PRCP: variants seen among roughly 807,000 people sequenced by gnomAD.
PRCP encodes the protein lysosomal Pro-X carboxypeptidase.
Under a neutral mutation model 54.2 loss-of-function variants are expected in PRCP, and 46 were observed. That is an observed-to-expected ratio of 0.85 (90% confidence interval 0.67 to 1.09). The LOEUF is 1.09. PRCP is among the 50% of genes least tolerant of loss of function. The pLI is 0.00. For synonymous variants in PRCP, 240 were observed against 212.2 expected (o/e 1.13, Z -1.14); for missense variants, 613 against 596.8 (o/e 1.03, Z -0.28).
intron 6 of PRCP, chr11:82,845,763 A>G (rs1858793800): frequency 6.6e-6 from 1 of 152,216 alleles, no homozygotes; most frequent in South Asian, 2.1e-4. Flanking sequence ...AGCATCCTTT[A>G]AAGTTGCTCT....
At chr11:82,877,432 T>C (rs1859633993) in intron 1 of PRCP, among the ~76,000 whole-genome samples, 1 of 152,098 alleles carries the variant, frequency 6.6e-6, no homozygotes, top group South Asian at 2.1e-4. Context: ...GCCCCTCCTA[T>C]CACAGGCCTG....
chr11:82,837,246 T>A, intron 8 of PRCP: 1 of 168,268 alleles, frequency 5.9e-6, no homozygotes, highest in Non-Finnish European at 1.3e-5. Flanking sequence ...TCACTAATTT[T>A]GCAAATTGTG....
At chr11:82,895,075 G>A (rs1051971819) in intron 1 of PRCP, among the ~76,000 whole-genome samples, 1 of 151,908 alleles carries the variant, frequency 6.6e-6, no homozygotes, top group Non-Finnish European at 1.5e-5. Flanking sequence ...TTAAAGCCAT[G>A]TACATTAGGA....
At chr11:82,887,276 T>C (rs1248273536) in intron 1 of PRCP, among the ~76,000 whole-genome samples, 1 of 152,236 alleles carries the variant, frequency 6.6e-6, no homozygotes, top group Non-Finnish European at 1.5e-5. Context: ...CACCTTTAAT[T>C]ACTTGTGACT....
intron 6 of PRCP, among the ~76,000 whole-genome samples, chr11:82,842,815 A>T (rs934498193): frequency 6.6e-6 from 1 of 152,184 alleles, no homozygotes; most frequent in Non-Finnish European, 1.5e-5. Flanking sequence ...TGGAAATTTT[A>T]TTTTAGGTAA....
chr11:82,895,553 C>A (rs1247529110), intron 1 of PRCP, among the ~76,000 whole-genome samples: 3 of 152,146 alleles, frequency 2.0e-5, no homozygotes, highest in Non-Finnish European at 2.9e-5. Flanking sequence ...TCCATCATAT[C>A]TAAGGGGAAG....
Position 82,853,179 on chromosome 11 carries a change from TG to T in PRCP, c.408del (p.Phe136LeufsTer7), listed in dbSNP as rs1428457643. 6.3e-7 allele frequency: 1 copy of T among 1,589,214 alleles called. No homozygotes were observed. The highest frequency in any genetic ancestry group is 2.2e-5 in the East Asian group (1 of 44,450). On this transcript the variant is annotated frameshift_variant, in exon 3 of 9. Coordinates refer to ENST00000313010, the MANE Select transcript of PRCP (RefSeq NM_005040.4). LOFTEE classifies it high-confidence loss of function. Reference sequence around the variant, plus strand: ...TTTTAAGTAAAAAGTATCTTTACCTTGAATGAGTTGTCACCAAAGGGGAGAG... The same window carrying T: ...TTTTAAGTAAAAAGTATCTTTACCTTAATGAGTTGTCACCAAAGGGGAGAG... ...GESLPFGDNS[F>X]KDSRHLNFLT...
At chr11:82,838,683 T>C (rs1858589083) in intron 7 of PRCP, 109 bp from the exon 8 acceptor site, 1 of 1,077,208 alleles carries the variant, frequency 9.3e-7, no homozygotes, top group Non-Finnish European at 1.3e-6. Context: ...GGGTTTGAAC[T>C]CAGGCAAGGC....
chr11:82,852,848 TAA>T (rs1485664403), intron 3 of PRCP, among the ~76,000 whole-genome samples: 1 of 152,198 alleles, frequency 6.6e-6, no homozygotes, highest in Non-Finnish European at 1.5e-5. Context: ...CTCAATAATT[TAA>T]GTGTACGATT....
intron 1 of PRCP, among the ~76,000 whole-genome samples, chr11:82,898,563 G>A (rs990579378): frequency 3.3e-5 from 5 of 152,152 alleles, no homozygotes; most frequent in Non-Finnish European, 7.4e-5. Context: ...GGTAAAAGCT[G>A]AAAGAGATCC....
chr11:82,887,625 C>G (rs1432940649), intron 1 of PRCP, among the ~76,000 whole-genome samples: 1 of 152,170 alleles, frequency 6.6e-6, no homozygotes, highest in Non-Finnish European at 1.5e-5. Context: ...AAGTCTCTTT[C>G]CCTCTTCTGT....
intron 1 of PRCP, among the ~76,000 whole-genome samples, chr11:82,887,316 A>T (rs562144610): frequency 1.3e-5 from 2 of 152,200 alleles, no homozygotes; most frequent in Non-Finnish European, 2.9e-5. Context: ...TGTAAGCTGC[A>T]TGAGGCCTAT....
chr11:82,838,707 T>G, intron 7 of PRCP, 133 bp from the exon 8 acceptor site: 1 of 750,746 alleles, frequency 1.3e-6, no homozygotes, highest in African/African-American at 1.8e-5. Context: ...TTCAACGCCC[T>G]GTTCTTTACT....
At chr11:82,878,798 T>C (rs1859668442) in intron 1 of PRCP, among the ~76,000 whole-genome samples, 1 of 152,184 alleles carries the variant, frequency 6.6e-6, no homozygotes, top group African/African-American at 2.4e-5. Context: ...CCTTCACTTA[T>C]GAAGTTTAGT....
chr11:82,847,137 AAAT>A (rs1450304285), intron 6 of PRCP, among the ~76,000 whole-genome samples: 17 of 152,242 alleles, frequency 1.1e-4, no homozygotes, highest in African/African-American at 3.4e-4. Context: ...CCTCTGTTCT[AAAT>A]AATGAGAGAA....
chr11:82,894,456 C>T (rs551091786), intron 1 of PRCP, among the ~76,000 whole-genome samples: 6 of 152,182 alleles, frequency 3.9e-5, no homozygotes, highest in Admixed American at 6.5e-5. Context: ...CTGTTCCTAA[C>T]GCAGTGCCCT....
chr11:82,882,214 A>T lies in PRCP; in HGVS notation c.168+18021T>A, dbSNP rs1032148287. Among the ~76,000 whole-genome samples, 6 of 152,142 alleles carry T rather than the reference A, an allele frequency of 3.9e-5. No homozygotes were observed. In the South Asian group the frequency reaches 1.2e-3, roughly 32 times the overall value. On this transcript the variant is annotated intron_variant, in intron 1 of 8. Coordinates refer to ENST00000313010, the MANE Select transcript of PRCP (RefSeq NM_005040.4). The stretch of plus-strand genomic sequence containing the variant: ...GGAGGTGAAAGGGGAGACAGAAGAG[A>T]TGTATTGAAAAAAAACGTTTATAAG...
chr11:82,876,661 C>T (rs1261276121), intron 1 of PRCP, among the ~76,000 whole-genome samples: 1 of 152,172 alleles, frequency 6.6e-6, no homozygotes, highest in Non-Finnish European at 1.5e-5. Flanking sequence ...CTCATTTTCT[C>T]TTGCCGCCAC....
chr11:82,852,947 T>C (rs1858991399), intron 3 of PRCP, among the ~76,000 whole-genome samples: 1 of 152,122 alleles, frequency 6.6e-6, no homozygotes, highest in Non-Finnish European at 1.5e-5. Context: ...AATTTAACTT[T>C]CTGAGGCACA....
Sources: gnomAD v4.1 joint callset for allele counts (sites outside exome capture counted in the v4.1 genomes callset) on GRCh38, gnomAD v4.1.1 for gene constraint, MANE v1.5 for transcripts, NCBI Gene and HGNC (gene_info 2026-07-23, HGNC 2026-07-21) for gene names.